TMEM74: variants seen among roughly 807,000 people sequenced by gnomAD.
TMEM74 encodes the protein transmembrane protein 74.
TMEM74 carries 13 observed loss-of-function variants against 18.1 expected under a neutral mutation model. The ratio of observed to expected loss-of-function variants is 0.72; its 90% confidence interval spans 0.47 to 1.14. The LOEUF (loss-of-function observed/expected upper bound fraction) is 1.14, where lower values mean the gene tolerates loss of function less well. Among genes scored for constraint, TMEM74 ranks in the 50% most tolerant of loss-of-function variants. TMEM74 has a pLI of 0.00. For synonymous variants in TMEM74, 159 were observed against 146.6 expected, an observed-to-expected ratio of 1.08 and a Z score of -0.61; for missense variants, 372 against 375.9, an observed-to-expected ratio of 0.99 and a Z score of 0.09.
intron 1 of TMEM74, among the ~76,000 whole-genome samples, chr8:108,734,994 T>C (rs1167292090): frequency 6.6e-6 from 1 of 152,244 alleles, no homozygotes; most frequent in Non-Finnish European, 1.5e-5. Flanking sequence ...GATACCCTAA[T>C]GACTCTTCCG....
chr8:108,642,632 G>A lies in TMEM74; in HGVS notation n.264+12661C>T, dbSNP rs138868958. Among the ~76,000 whole-genome samples, 122 of 152,146 alleles carry A rather than the reference G, an allele frequency of 8.0e-4. 4 individuals are homozygous for A. The highest frequency in any genetic ancestry group is 2.8e-3 in the African/African-American group (116 of 41,542). Reference sequence around the variant, plus strand: ...TAATTAACTACTGAGATGAATACTCGTTTGAGAGCCACAAATACACTTTAC... The same window carrying A: ...TAATTAACTACTGAGATGAATACTCATTTGAGAGCCACAAATACACTTTAC... On this transcript the variant is annotated intron_variant and non_coding_transcript_variant, in intron 2 of 3. Transcript: ENST00000518838.
intron 1 of TMEM74, among the ~76,000 whole-genome samples, chr8:108,700,574 C>T (rs796941867): frequency 1.1e-3 from 161 of 152,004 alleles, no homozygotes; most frequent in African/African-American, 3.6e-3. Context: ...GAGTGCATGG[C>T]CAGTGTTGAT....
intron 1 of TMEM74, among the ~76,000 whole-genome samples, chr8:108,711,758 G>A (rs565080278): frequency 1.8e-4 from 28 of 152,128 alleles, no homozygotes; most frequent in African/African-American, 5.5e-4. Flanking sequence ...GGTCTCCTAG[G>A]GCCATTCTTG....
intron 1 of TMEM74, among the ~76,000 whole-genome samples, chr8:108,669,375 C>A (rs1359565731): frequency 6.6e-6 from 1 of 152,122 alleles, no homozygotes; most frequent in Non-Finnish European, 1.5e-5. Flanking sequence ...AAAAGGTCAT[C>A]ATTAGTGGCC....
chr8:108,677,546 GTT>G lies in TMEM74; in HGVS notation n.120-22111_120-22110del, dbSNP rs11294973. 3.6e-3 allele frequency among the ~76,000 whole-genome samples: 524 copies of G among 144,864 alleles called. 3 individuals carry two copies. The highest frequency in any genetic ancestry group is 0.012 in the African/African-American group (485 of 39,632). On this transcript the variant is annotated intron_variant and non_coding_transcript_variant, in intron 1 of 3. Transcript: ENST00000518838. Reference sequence around the variant, plus strand: ...TTCAAAACGGCCTTAGTATTCTGTTGTTTTTTTTTTTTTCTGAAACAAATGAA... The same window carrying G: ...TTCAAAACGGCCTTAGTATTCTGTTGTTTTTTTTTTTCTGAAACAAATGAA...
chr8:108,746,274 G>C (rs1199013638), intron 1 of TMEM74, among the ~76,000 whole-genome samples: 1 of 152,072 alleles, frequency 6.6e-6, no homozygotes, highest in Non-Finnish European at 1.5e-5. Context: ...AATGGTTGTA[G>C]AATCACTCAG....
At chr8:108,654,638 AG>A (rs1445235932) in intron 2 of TMEM74, among the ~76,000 whole-genome samples, 1 of 152,172 alleles carries the variant, frequency 6.6e-6, no homozygotes, top group East Asian at 1.9e-4. Context: ...CCTCTGAAAG[AG>A]GAAAAGGCAA....
intron 2 of TMEM74, among the ~76,000 whole-genome samples, chr8:108,642,940 A>T (rs1812680125): frequency 6.6e-6 from 1 of 152,144 alleles, no homozygotes; most frequent in South Asian, 2.1e-4. Context: ...AAAATAAAAC[A>T]TCTCTTAACT....
chr8:108,683,902 TC>T (rs1656254697), intron 1 of TMEM74, among the ~76,000 whole-genome samples: 1 of 152,116 alleles, frequency 6.6e-6, no homozygotes, highest in African/African-American at 2.4e-5. Context: ...GTATCTCAGT[TC>T]CATCCATGCT....
intron 1 of TMEM74, among the ~76,000 whole-genome samples, chr8:108,750,086 C>A (rs1367729736): frequency 6.6e-6 from 1 of 152,060 alleles, no homozygotes; most frequent in East Asian, 1.9e-4. Context: ...TTTTCAAAAT[C>A]CTAAACTGCT....
chr8:108,643,421 A>G (rs897193081), intron 2 of TMEM74, among the ~76,000 whole-genome samples: 1 of 152,112 alleles, frequency 6.6e-6, no homozygotes, highest in African/African-American at 2.4e-5. Context: ...GGCCAGGGTA[A>G]TTCGTTGAAA....
intron 1 of TMEM74, among the ~76,000 whole-genome samples, chr8:108,750,755 A>G (rs1813897068): frequency 1.3e-5 from 2 of 152,110 alleles, no homozygotes; most frequent in African/African-American, 4.8e-5. Flanking sequence ...TCCCAAGGGT[A>G]AGGAGGGCAC....
At chr8:108,679,082 A>ATT (rs976671482) in intron 1 of TMEM74, among the ~76,000 whole-genome samples, 1 of 151,888 alleles carries the variant, frequency 6.6e-6, no homozygotes, top group African/African-American at 2.4e-5. Context: ...TGAACTCTTC[A>ATT]TTTTTTATGG....
At chr8:108,647,275 T>G (rs773333364) in intron 2 of TMEM74, among the ~76,000 whole-genome samples, 1 of 152,202 alleles carries the variant, frequency 6.6e-6, no homozygotes, top group Non-Finnish European at 1.5e-5. Flanking sequence ...AAGTTATCCC[T>G]GAGCTCCTAA....
chr8:108,706,776 G>GTTGTGTGTGT (rs1554574025), intron 1 of TMEM74, among the ~76,000 whole-genome samples: 11 of 144,868 alleles, frequency 7.6e-5, no homozygotes, highest in Non-Finnish European at 6.0e-5. Context: ...AATTACAAGG[G>GTTGTGTGTGT]GTGTGTGTGT....
intron 1 of TMEM74, among the ~76,000 whole-genome samples, chr8:108,710,161 C>A (rs2130622639): frequency 6.6e-6 from 1 of 152,328 alleles, no homozygotes; most frequent in East Asian, 1.9e-4. Flanking sequence ...AAAAGCTTAA[C>A]AAATGTTAGC....
chr8:108,780,257 CCTT>C lies in TMEM74; in HGVS notation c.*3921_*3923del, dbSNP rs949195354. On this transcript the variant is annotated 3_prime_UTR_variant, in exon 2 of 2. Transcript: ENST00000297459. The stretch of plus-strand genomic sequence containing the variant: ...GAAATCTGACCTTCAGGTTGAAAAA[CCTT>C]CTCCTAAGAGATATACATATAGAAC... Among the ~76,000 whole-genome samples, 4 of 152,140 alleles carry C rather than the reference CCTT, an allele frequency of 2.6e-5. No individual in the cohort carries two copies. The highest frequency in any genetic ancestry group is 5.9e-5 in the Non-Finnish European group (4 of 68,020).
Position 108,722,742 on chromosome 8 carries a change from ATT to A in TMEM74, n.119+64732_119+64733del, listed in dbSNP as rs72170216. On this transcript the variant is annotated intron_variant and non_coding_transcript_variant, in intron 1 of 3. Transcript: ENST00000518838. ...GAAACCTTTGCTCCCACTAAGCTGTATTTTTTTTTTAAAAGGGGATGCTTTAT... is the reference window on the plus strand; with the variant it reads ...GAAACCTTTGCTCCCACTAAGCTGTATTTTTTTTAAAAGGGGATGCTTTAT... Among the ~76,000 whole-genome samples the A allele has an allele frequency of 4.5e-3, 681 of 150,308 alleles. 3 individuals carry two copies. The highest frequency in any genetic ancestry group is 0.018 in the South Asian group (84 of 4,728).
Position 108,698,089 on chromosome 8 carries a change from T to C in TMEM74, n.120-42652A>G, listed in dbSNP as rs114396895. On this transcript the variant is annotated intron_variant and non_coding_transcript_variant, in intron 1 of 3. Transcript: ENST00000518838. Reference sequence around the variant, plus strand: ...GTGCTGTGGCAATACTTTCCCTGTATGGAATGGCTGCTATGTATTATCTCT... The same window carrying C: ...GTGCTGTGGCAATACTTTCCCTGTACGGAATGGCTGCTATGTATTATCTCT... Among the ~76,000 whole-genome samples, 618 of 152,304 alleles carry C rather than the reference T, an allele frequency of 4.1e-3. 5 individuals are homozygous for C. The highest frequency in any genetic ancestry group is 0.014 in the African/African-American group (596 of 41,564).
Sources: gnomAD v4.1 joint callset for allele counts (sites outside exome capture counted in the v4.1 genomes callset) on GRCh38, gnomAD v4.1.1 for gene constraint, MANE v1.5 for transcripts, NCBI Gene and HGNC (gene_info 2026-07-23, HGNC 2026-07-21) for gene names.